The following TRIM65 variants were observed in gnomAD, a reference collection of about 807,000 sequenced individuals.
TRIM65 encodes the protein tripartite motif containing 65, also known as E3 ubiquitin-protein ligase TRIM65.
In TRIM65, 46 loss-of-function variants were observed where a neutral mutation model predicts 36.1. The ratio of observed to expected loss-of-function variants is 1.27; its 90% CI spans 1.01 to 1.63. The LOEUF (loss-of-function observed/expected upper bound fraction) is 1.63. Among genes scored for constraint, TRIM65 ranks in the 40% most tolerant of loss-of-function variants. The pLI is 0.00. For synonymous variants in TRIM65, 346 were observed against 313.6 expected (o/e 1.10, Z -1.09); for missense variants, 708 against 696.6 (o/e 1.02, Z -0.18).
Position 75,890,701 on chromosome 17 carries a change from T to G in TRIM65, c.*78A>C. On this transcript the variant is annotated 3_prime_UTR_variant, in exon 6 of 6. Transcript: ENST00000269383. ...GAGAGGCCAACAGCTGGTCCTCCAG[T>G]CCCCAAGCTGAAGCTGGGCAGCTCT... The G allele has an allele frequency of 7.8e-7, 1 of 1,280,814 alleles. No homozygotes were observed. The highest frequency in any genetic ancestry group is 1.0e-6 in the Non-Finnish European group (1 of 964,290). The allele number at this position is 1,280,814 out of a possible 1,614,324, so 79.3% of individuals were successfully genotyped here. A position where few individuals can be genotyped will look rare whatever the true frequency, so the allele number is the denominator to read the frequency against.
intron 4 of TRIM65, among the ~76,000 whole-genome samples, chr17:75,881,751 G>C (rs2065170775): frequency 6.6e-6 from 1 of 150,690 alleles, no homozygotes. Flanking sequence ...GGGAACTGTG[G>C]AAGTGGCATT....
intron 1 of TRIM65, among the ~76,000 whole-genome samples, chr17:75,895,764 C>T (rs7219956): frequency 0.028 from 4,313 of 152,278 alleles, 199 homozygotes; most frequent in African/African-American, 0.097. Flanking sequence ...CTTACTGGAA[C>T]ACTGACTTCT....
At chr17:75,894,971 G>A (rs995386199) in intron 1 of TRIM65, among the ~76,000 whole-genome samples, 2 of 152,202 alleles carry the variant, frequency 1.3e-5, no homozygotes, top group African/African-American at 4.8e-5. Flanking sequence ...TGCCCGGGGC[G>A]GGGTCAGCGC....
chr17:75,894,495 G>A (rs949403715), intron 1 of TRIM65, among the ~76,000 whole-genome samples: 6 of 152,096 alleles, frequency 3.9e-5, no homozygotes, highest in African/African-American at 9.7e-5. Flanking sequence ...CCATTCCCCC[G>A]ACCTTCCCCA....
In TRIM65 at chr17:75,896,564, TG is replaced by T; in HGVS notation, c.373del (p.His125ThrfsTer17). On this transcript the variant is annotated frameshift_variant, in exon 1 of 6. Coordinates refer to ENST00000269383, the MANE Select transcript of TRIM65 (RefSeq NM_173547.4). LOFTEE classifies it high-confidence loss of function. ...SVCTVRECRL[H>X]ERALLDAERL... ...CTCGGCATCCAGCAGCGCCCGCTCGTGGAGGCGACACTCGCGCACGGTGCAC... is the reference window on the plus strand; with the variant it reads ...CTCGGCATCCAGCAGCGCCCGCTCGTGAGGCGACACTCGCGCACGGTGCAC... 7.3e-7 allele frequency: 1 copy of T among 1,361,298 alleles called. No homozygotes were observed. Among genetic ancestry groups the T allele is most frequent in the Non-Finnish European group, 9.4e-7 (1 of 1,058,426 alleles). The allele number at this position is 1,361,298 out of a possible 1,614,324, so 84.3% of individuals were successfully genotyped here.
chr17:75,896,715 C>A lies in TRIM65; in HGVS notation c.223G>T (p.Ala75Ser). 1.2e-5 allele frequency: 17 copies of A among 1,392,634 alleles called. No homozygotes were observed. The highest frequency in any genetic ancestry group is 1.6e-5 in the Non-Finnish European group (17 of 1,074,642). The allele number at this position is 1,392,634 out of a possible 1,614,324, so 86.3% of individuals were successfully genotyped here. Residue 75 changes from alanine to serine, a missense_variant, in exon 1 of 6, where the codon GCC (alanine) becomes TCC (serine). Ala to Ser is a moderately conservative substitution (Grantham distance 99, BLOSUM62 1). Transcript: ENST00000269383. ...GGGCCGGGATCCCGGGCGGGCCCGGCGCGCACCACCTCCAGCACGCCGCTG... is the reference window on the plus strand; with the variant it reads ...GGGCCGGGATCCCGGGCGGGCCCGGAGCGCACCACCTCCAGCACGCCGCTG... Reference protein sequence around the residue: ...ALSGVLEVVRAGPARDPGPDP... With the variant: ...ALSGVLEVVRSGPARDPGPDP...
At chr17:75,888,446 T>C (rs1281527735), downstream of TRIM65, among the ~76,000 whole-genome samples, 1 of 151,702 alleles carries the variant, frequency 6.6e-6, no homozygotes, top group Non-Finnish European at 1.5e-5. Flanking sequence ...AATAGGAAGA[T>C]GAATTTCACA....
chr17:75,896,725 C>A lies in TRIM65; in HGVS notation c.213G>T (p.Glu71Asp). 2 of 1,448,228 alleles carry A rather than the reference C, an allele frequency of 1.4e-6. No homozygotes were observed. The highest frequency in any genetic ancestry group is 1.5e-5 in the African/African-American group (1 of 67,952). 89.7% of individuals were successfully genotyped at this position (1,448,228 alleles called of 1,614,324 possible). ...RRNVALSGVL[E>D]VVRAGPARDP... ...CCCGGGCGGGCCCGGCGCGCACCAC[C>A]TCCAGCACGCCGCTGAGGGCCACGT... The change falls in exon 1 of 6, where the codon GAG becomes GAT. Residue 71 changes from glutamate to aspartate, a missense_variant. Glu to Asp is a conservative substitution (Grantham distance 45). Transcript: ENST00000269383.
chr17:75,881,165 G>A (rs1292278699), intron 4 of TRIM65, among the ~76,000 whole-genome samples: 1 of 140,922 alleles, frequency 7.1e-6, no homozygotes, highest in East Asian at 2.1e-4. Context: ...CAGGAGAATC[G>A]CTTGAACCAA....
downstream of TRIM65, among the ~76,000 whole-genome samples, chr17:75,885,042 T>G (rs2065197167): frequency 1.3e-5 from 2 of 151,564 alleles, no homozygotes. Context: ...GTTAAAGCGA[T>G]TCTTCTGCCT....
At position 75,894,912 on chromosome 17, in the gene TRIM65, C is replaced by T. The variant is rs568890532; in HGVS notation, c.414+1612G>A. On this transcript the variant is annotated intron_variant, in intron 1 of 5. Coordinates refer to ENST00000269383, the MANE Select transcript of TRIM65 (RefSeq NM_173547.4). ...GGAGGTGACCCTCACTCATGGTGCA[C>T]AAGCTGCAAACACAACAGCCCTTGG... 9.2e-5 allele frequency among the ~76,000 whole-genome samples: 14 copies of T among 152,354 alleles called. No homozygotes were observed. In the South Asian group the frequency reaches 2.3e-3, roughly 25 times the overall value.
At chr17:75,893,751 G>A (rs1246311808) in intron 1 of TRIM65, among the ~76,000 whole-genome samples, 1 of 152,090 alleles carries the variant, frequency 6.6e-6, no homozygotes, top group Non-Finnish European at 1.5e-5. Flanking sequence ...GGAGGCCGGA[G>A]GGCAGGCTCT....
chr17:75,882,664 C>G (rs2065175629), intron 4 of TRIM65, among the ~76,000 whole-genome samples: 2 of 150,636 alleles, frequency 1.3e-5, no homozygotes, highest in Admixed American at 1.3e-4. Flanking sequence ...TCTGTCTGTC[C>G]AAGGACCCTA....
In TRIM65 at chr17:75,881,584, T is replaced by C. The variant is rs985930234; in HGVS notation, c.350-955A>G. 1.8e-4 allele frequency among the ~76,000 whole-genome samples: 27 copies of C among 150,724 alleles called. 3 individuals are homozygous for C. The highest frequency in any genetic ancestry group is 6.2e-4 in the African/African-American group (25 of 40,088). On this transcript the variant is annotated intron_variant, in intron 4 of 4. Transcript: ENST00000591668. ...AGGGCACTCATGCCATGAATGAGGC[T>C]CCGCCCACCTGAAGACCCCACCTCC...
downstream of TRIM65, among the ~76,000 whole-genome samples, chr17:75,888,420 G>T (rs2144030453): frequency 6.6e-6 from 1 of 151,398 alleles, no homozygotes; most frequent in African/African-American, 2.4e-5. Context: ...GCAGAATATA[G>T]AAAGAACCAC....
downstream of TRIM65, among the ~76,000 whole-genome samples, chr17:75,887,570 C>A (rs1485911402): frequency 6.6e-6 from 1 of 151,076 alleles, no homozygotes; most frequent in Non-Finnish European, 1.5e-5. Flanking sequence ...TGGCATGAAC[C>A]CAGGAGGCAG....
At chr17:75,881,929 C>T (rs1477347593) in intron 4 of TRIM65, among the ~76,000 whole-genome samples, 3 of 150,340 alleles carry the variant, frequency 2.0e-5, no homozygotes, top group Non-Finnish European at 4.4e-5. Flanking sequence ...AGCACTAGAG[C>T]ACTTGATCAG....
intron 4 of TRIM65, among the ~76,000 whole-genome samples, chr17:75,883,177 C>T (rs1249874166): frequency 6.8e-6 from 1 of 146,476 alleles, no homozygotes; most frequent in Non-Finnish European, 1.5e-5. Context: ...AGTGCAGTGG[C>T]TTACTCTCGG....
chr17:75,892,825 A>G lies in TRIM65; in HGVS notation c.440T>C (p.Val147Ala). 6.2e-7 allele frequency: 1 copy of G among 1,603,406 alleles called. No individual in the cohort carries two copies. Among genetic ancestry groups the G allele is most frequent in the East Asian group, 2.2e-5 (1 of 44,874 alleles). Residue 147 changes from valine (V) to alanine (A), a missense_variant, in exon 2 of 6, where the codon GTT becomes GCT. Physicochemically the swap from Val to Ala is moderately conservative, Grantham distance 64 (BLOSUM62 0). Transcript: ENST00000269383. Reference protein sequence around the residue: ...REAQLRASLEVTQQQATQAEG... With the variant: ...REAQLRASLEATQQQATQAEG... ...GGCCTGGGTGGCCTGCTGCTGGGTA[A>G]CCTCCAGGCTGGCTCTCAGCTGGGC...
Sources: gnomAD v4.1 joint callset for allele counts (sites outside exome capture counted in the v4.1 genomes callset) on GRCh38, gnomAD v4.1.1 for gene constraint, MANE v1.5 for transcripts, NCBI Gene and HGNC (gene_info 2026-07-23, HGNC 2026-07-21) for gene names.